Variants in SLC6A6 observed in about 807,000 individuals in gnomAD.
The protein encoded by SLC6A6 is solute carrier family 6 member 6.
A neutral mutation model predicts 68.8 loss-of-function variants in SLC6A6; 16 were observed. The observed-to-expected ratio is 0.23, with a 90% confidence interval of 0.16 to 0.35. The LOEUF is 0.35. Ranked by LOEUF, SLC6A6 falls within the 10% of genes least tolerant of loss-of-function variation. The pLI, the probability that SLC6A6 is intolerant of heterozygous loss-of-function variation, is 1.00. For synonymous variants in SLC6A6, 312 were observed against 315.4 expected (o/e 0.99, Z 0.12); for missense variants, 474 against 802.8 (o/e 0.59, Z 4.95).
chr3:14,473,223 A>G (rs1161507828), intron 10 of SLC6A6, among the ~76,000 whole-genome samples: 2 of 152,142 alleles, frequency 1.3e-5, no homozygotes, highest in African/African-American at 4.8e-5. Context: ...TCTTGTTGAA[A>G]CAACAGTTCA....
At chr3:14,457,925 C>T in intron 5 of SLC6A6, 25 bp from the exon 6 acceptor site, 1 of 1,613,196 alleles carries the variant, frequency 6.2e-7, no homozygotes, top group Non-Finnish European at 8.5e-7. Context: ...CCCTCACTGA[C>T]TCCTGGCTCT....
intron 13 of SLC6A6, among the ~76,000 whole-genome samples, chr3:14,479,763 C>G (rs768023912): frequency 7.9e-5 from 12 of 152,204 alleles, no homozygotes; most frequent in African/African-American, 1.4e-4. Context: ...CTCTCGCCCA[C>G]CATGTTGGAG....
chr3:14,481,940 C>A lies in SLC6A6; in HGVS notation c.1722+99C>A. ...TGATCTCAGGCAAGTCACCTGCCCTCTCTGAGCCATAGTTCCCTCACCCAT... is the reference window on the plus strand; with the variant it reads ...TGATCTCAGGCAAGTCACCTGCCCTATCTGAGCCATAGTTCCCTCACCCAT... On this transcript the variant is annotated intron_variant, in intron 14 of 14. Transcript: ENST00000622186. This position sits in a 1 kb window ranked among gnomAD's most constrained non-coding sequence, Gnocchi z 4.7. The A allele has an allele frequency of 1.0e-6, 1 of 980,536 alleles. No homozygotes were observed. Among genetic ancestry groups the A allele is most frequent in the Non-Finnish European group, 1.5e-6 (1 of 648,422 alleles). The allele number at this position is 980,536 out of a possible 1,614,324, so 60.7% of individuals were successfully genotyped here.
At chr3:14,419,142 T>G (rs2124908855) in intron 2 of SLC6A6, among the ~76,000 whole-genome samples, 1 of 152,342 alleles carries the variant, frequency 6.6e-6, no homozygotes, top group East Asian at 1.9e-4. Flanking sequence ...GTATTTGCGC[T>G]TGGGAGCCCA....
intron 10 of SLC6A6, among the ~76,000 whole-genome samples, chr3:14,475,709 A>G (rs991346508): frequency 1.3e-5 from 2 of 152,194 alleles, no homozygotes; most frequent in African/African-American, 4.8e-5. Context: ...TCAAAAAAGG[A>G]AAGAACCTTT....
intron 6 of SLC6A6, among the ~76,000 whole-genome samples, chr3:14,461,179 A>C (rs957050846): frequency 3.3e-5 from 5 of 152,270 alleles, no homozygotes; most frequent in African/African-American, 1.2e-4. Flanking sequence ...GCGAAAGCGC[A>C]GTAGCCTGTG....
intron 1 of SLC6A6, among the ~76,000 whole-genome samples, chr3:14,403,979 A>G (rs1452387082): frequency 4.6e-5 from 7 of 152,144 alleles, no homozygotes; most frequent in Admixed American, 4.6e-4. Flanking sequence ...CCAGCCCCAA[A>G]AGCTTGGGAG....
At chr3:14,420,472 T>C (rs1397126377) in intron 2 of SLC6A6, among the ~76,000 whole-genome samples, 2 of 151,702 alleles carry the variant, frequency 1.3e-5, no homozygotes, top group Non-Finnish European at 2.9e-5. Flanking sequence ...TTACAGTTTC[T>C]CTTGTAAACC....
At chr3:14,441,970 G>A (rs891713207) in intron 2 of SLC6A6, among the ~76,000 whole-genome samples, 2 of 152,236 alleles carry the variant, frequency 1.3e-5, no homozygotes, top group South Asian at 2.1e-4. Flanking sequence ...GGAGATAGAC[G>A]ACAGGGAAGC....
rs1335035572 is a variant in SLC6A6, at chr3:14,472,012, C to T, written c.1097-193C>T. On this transcript the variant is annotated intron_variant, in intron 9 of 14. Coordinates refer to ENST00000622186, the MANE Select transcript of SLC6A6 (RefSeq NM_003043.6). This position sits in a 1 kb window ranked among gnomAD's most constrained non-coding sequence, Gnocchi z 4.5. Reference sequence around the variant, plus strand: ...CTGTGTAGGAGACAGATGCTAAAACCGGGCCCCTCCTGAGCCCCAGCGTGT... The same window carrying T: ...CTGTGTAGGAGACAGATGCTAAAACTGGGCCCCTCCTGAGCCCCAGCGTGT... Among the ~76,000 whole-genome samples the T allele has an allele frequency of 3.9e-5, 6 of 152,120 alleles. No homozygotes were observed. Among genetic ancestry groups the T allele is most frequent in the Non-Finnish European group, 7.4e-5 (5 of 68,024 alleles).
At chr3:14,438,666 T>C (rs918076597) in intron 2 of SLC6A6, among the ~76,000 whole-genome samples, 4 of 152,202 alleles carry the variant, frequency 2.6e-5, no homozygotes, top group African/African-American at 4.8e-5. Flanking sequence ...CTGAGAAACC[T>C]GGCCCAGAGA....
intron 1 of SLC6A6, among the ~76,000 whole-genome samples, chr3:14,410,176 CAAAAAAAAAA>C (rs145587348): frequency 1.6e-5 from 1 of 60,730 alleles, no homozygotes; most frequent in Non-Finnish European, 3.5e-5. Context: ...GACTCCATCT[CAAAAAAAAAA>C]AAAAAAAAAA....
intron 13 of SLC6A6, among the ~76,000 whole-genome samples, chr3:14,480,937 C>T (rs999871574): frequency 1.3e-5 from 2 of 152,294 alleles, no homozygotes; most frequent in African/African-American, 4.8e-5. Flanking sequence ...CTGTGGACAC[C>T]GAACAGGGCA....
intron 2 of SLC6A6, among the ~76,000 whole-genome samples, chr3:14,428,472 T>G (rs1207106427): frequency 6.6e-6 from 1 of 152,236 alleles, no homozygotes; most frequent in Non-Finnish European, 1.5e-5. Context: ...GGCACTGTTC[T>G]AAGCAGTCCA....
rs1701158680 is a variant in SLC6A6, at chr3:14,486,207, C to G, written c.*1200C>G. On this transcript the variant is annotated 3_prime_UTR_variant, in exon 15 of 15. Transcript: ENST00000622186. ...TTTCCTCATCTCCCCACTCCCCACT[C>G]TCAGCCTGGGAGACTCCTGCCAAGC... 6.5e-6 allele frequency: 1 copy of G among 152,704 alleles called. No individual in the cohort carries two copies. The highest frequency in any genetic ancestry group is 1.5e-5 in the Non-Finnish European group (1 of 68,106). The allele number at this position is 152,704 out of a possible 1,614,324, so 9.5% of individuals were successfully genotyped here.
At chr3:14,444,937 ACC>A (rs1700078892) in intron 3 of SLC6A6, 1 of 436,334 alleles carries the variant, frequency 2.3e-6, no homozygotes, top group Non-Finnish European at 4.6e-6. Flanking sequence ...GGAGATGCCT[ACC>A]CTCTGCCCCT....
At chr3:14,445,959 T>C in intron 4 of SLC6A6, 108 bp downstream of exon 4, 1 of 1,109,848 alleles carries the variant, frequency 9.0e-7, no homozygotes, top group African/African-American at 1.5e-5. Flanking sequence ...GCACATCACT[T>C]AGCTCTATGC....
At chr3:14,465,790 C>A (rs2124978076) in intron 6 of SLC6A6, among the ~76,000 whole-genome samples, 1 of 152,374 alleles carries the variant, frequency 6.6e-6, no homozygotes, top group South Asian at 2.1e-4. Flanking sequence ...TGGGCTGAGG[C>A]TTCTACACAC....
chr3:14,417,947 C>A (rs970624740), intron 2 of SLC6A6, among the ~76,000 whole-genome samples: 1 of 152,192 alleles, frequency 6.6e-6, no homozygotes, highest in Admixed American at 6.5e-5. Flanking sequence ...GTCTCCTTCG[C>A]TGATTAAGAC....
Sources: allele counts gnomAD v4.1 joint callset (sites outside exome capture counted in the v4.1 genomes callset), GRCh38; gene constraint gnomAD v4.1.1; non-coding constraint Gnocchi (gnomAD v3.1); transcripts MANE v1.5; gene names NCBI Gene and HGNC (gene_info 2026-07-23, HGNC 2026-07-21).